Variants in SORCS1 observed in about 807,000 individuals in gnomAD.
SORCS1 encodes sortilin related VPS10 domain containing receptor 1, also known as VPS10 domain-containing receptor SorCS1.
Under a neutral mutation model 146.1 loss-of-function variants are expected in SORCS1, and 60 were observed. The observed-to-expected ratio is 0.41, with a 90% CI of 0.33 to 0.51. The LOEUF is 0.51. Among genes scored for constraint, SORCS1 ranks in the 20% least tolerant of loss-of-function variants. The probability of loss-of-function intolerance (pLI) is 0.21; values close to 1 mark genes in which losing one functional copy is unlikely to be tolerated. For missense variants in SORCS1, 1,352 were observed against 1,487.6 expected, an observed-to-expected ratio of 0.91 and a Z score of 1.50; for synonymous variants, 637 against 584.0, an observed-to-expected ratio of 1.09 and a Z score of -1.31.
intron 1 of SORCS1, among the ~76,000 whole-genome samples, chr10:107,080,628 A>C (rs1339948673): frequency 6.6e-6 from 1 of 152,238 alleles, no homozygotes; most frequent in Non-Finnish European, 1.5e-5. Flanking sequence ...TAACCGACAC[A>C]ATAAGAAAGT....
intron 1 of SORCS1, among the ~76,000 whole-genome samples, chr10:107,069,279 G>C (rs932690056): frequency 1.3e-5 from 2 of 152,138 alleles, no homozygotes; most frequent in Non-Finnish European, 2.9e-5. Flanking sequence ...ACCACCTCCA[G>C]AGCTGAATTC....
intron 1 of SORCS1, among the ~76,000 whole-genome samples, chr10:107,058,987 C>T (rs1960910502): frequency 6.6e-6 from 1 of 152,220 alleles, no homozygotes; most frequent in South Asian, 2.1e-4. Flanking sequence ...AATAGCGCTG[C>T]ACCGGGTTTT....
intron 16 of SORCS1, among the ~76,000 whole-genome samples, chr10:106,669,677 C>A (rs775510706): frequency 6.6e-6 from 1 of 152,166 alleles, no homozygotes; most frequent in Non-Finnish European, 1.5e-5. Flanking sequence ...ACTGGGGAGG[C>A]CCCTGAAGAT....
chr10:106,961,639 A>G (rs1040607475), intron 1 of SORCS1, among the ~76,000 whole-genome samples: 7 of 152,236 alleles, frequency 4.6e-5, no homozygotes, highest in African/African-American at 1.2e-4. Context: ...AGAAACCTGC[A>G]GAACTAGCAG....
chr10:106,625,468 G>A (rs545106542), intron 19 of SORCS1, among the ~76,000 whole-genome samples: 1 of 152,120 alleles, frequency 6.6e-6, no homozygotes, highest in Non-Finnish European at 1.5e-5. Context: ...AGATTATGAT[G>A]CCATACTTCC....
chr10:106,703,858 C>T (rs140527270), intron 8 of SORCS1, among the ~76,000 whole-genome samples: 190 of 152,278 alleles, frequency 1.2e-3, no homozygotes, highest in African/African-American at 3.3e-3. Context: ...AACATCCACC[C>T]GGACTAAATA....
chr10:106,581,568 A>G (rs1416904491), intron 24 of SORCS1, among the ~76,000 whole-genome samples: 4 of 152,134 alleles, frequency 2.6e-5, no homozygotes, highest in African/African-American at 7.2e-5. Context: ...ATGTGTATAT[A>G]TATGTATGGA....
chr10:106,757,369 C>T (rs1316929965), intron 5 of SORCS1, among the ~76,000 whole-genome samples: 1 of 152,092 alleles, frequency 6.6e-6, no homozygotes, highest in African/African-American at 2.4e-5. Context: ...AGCCAGGTTC[C>T]AAGCAGAAAT....
At chr10:106,650,485 G>A (rs376051051) in intron 18 of SORCS1, among the ~76,000 whole-genome samples, 1 of 152,102 alleles carries the variant, frequency 6.6e-6, no homozygotes, top group South Asian at 2.1e-4. Flanking sequence ...TATGTTTCCT[G>A]TGTTACTTGG....
At chr10:106,749,279 G>T (rs896035464) in intron 5 of SORCS1, among the ~76,000 whole-genome samples, 2 of 152,204 alleles carry the variant, frequency 1.3e-5, no homozygotes, top group Non-Finnish European at 2.9e-5. Flanking sequence ...GTCCCGACAG[G>T]TTCTAGTTTG....
At chr10:106,828,032 T>C (rs1948374875) in intron 3 of SORCS1, among the ~76,000 whole-genome samples, 1 of 152,198 alleles carries the variant, frequency 6.6e-6, no homozygotes, top group Non-Finnish European at 1.5e-5. Flanking sequence ...AATTAAGCTT[T>C]TACTATTCTG....
chr10:106,975,875 T>C (rs1434575714), intron 1 of SORCS1, among the ~76,000 whole-genome samples: 1 of 152,114 alleles, frequency 6.6e-6, no homozygotes, highest in African/African-American at 2.4e-5. Flanking sequence ...TGGCTGGGCA[T>C]GGTGGCTCAC....
intron 1 of SORCS1, among the ~76,000 whole-genome samples, chr10:107,075,562 C>T (rs1565006196): frequency 1.3e-5 from 2 of 152,064 alleles, no homozygotes; most frequent in Admixed American, 6.6e-5. Flanking sequence ...GTCAGGAATT[C>T]CCAAATTCAC....
intron 17 of SORCS1, among the ~76,000 whole-genome samples, chr10:106,660,464 T>C (rs1850639952): frequency 6.6e-6 from 1 of 152,200 alleles, no homozygotes; most frequent in Non-Finnish European, 1.5e-5. Flanking sequence ...ATAGTCACTC[T>C]ACTGTGAAAT....
intron 1 of SORCS1, among the ~76,000 whole-genome samples, chr10:107,087,846 C>T (rs1022084879): frequency 2.0e-5 from 3 of 152,244 alleles, no homozygotes; most frequent in East Asian, 1.9e-4. Context: ...CTGCCTGTTT[C>T]CCTTTTGGTT....
chr10:106,840,857 A>G (rs1056364658), intron 2 of SORCS1, among the ~76,000 whole-genome samples: 4 of 106,752 alleles, frequency 3.7e-5, no homozygotes, highest in African/African-American at 1.4e-4. Context: ...ATATATATAT[A>G]TATATATTTT....
chr10:107,079,668 T>G (rs1963174972), intron 1 of SORCS1, among the ~76,000 whole-genome samples: 3 of 152,064 alleles, frequency 2.0e-5, no homozygotes, highest in Admixed American at 2.0e-4. Flanking sequence ...GTGATAAAAA[T>G]TTGAGGCCAC....
intron 3 of SORCS1, among the ~76,000 whole-genome samples, chr10:106,799,425 C>A (rs1188103478): frequency 1.3e-5 from 2 of 152,152 alleles, no homozygotes; most frequent in East Asian, 3.8e-4. Context: ...AAAGAAACTA[C>A]CATCAGAGTG....
chr10:106,851,329 T>A (rs1949563333), intron 2 of SORCS1, among the ~76,000 whole-genome samples: 1 of 152,230 alleles, frequency 6.6e-6, no homozygotes, highest in Non-Finnish European at 1.5e-5. Flanking sequence ...GTTCTGCATT[T>A]TACATTTAGG....
Sources: gnomAD v4.1 joint callset for allele counts (sites outside exome capture counted in the v4.1 genomes callset) on GRCh38, gnomAD v4.1.1 for gene constraint, MANE v1.5 for transcripts, NCBI Gene and HGNC (gene_info 2026-07-23, HGNC 2026-07-21) for gene names.